Variants in DAB1 observed in about 807,000 individuals in gnomAD.
The protein encoded by DAB1 is disabled homolog 1.
DAB1 carries 15 observed loss-of-function variants against 64.6 expected under a neutral mutation model. That is an observed-to-expected ratio of 0.23 (90% CI 0.16 to 0.36). The LOEUF is 0.36. Among genes scored for constraint, DAB1 ranks in the 10% least tolerant of loss-of-function variants. The pLI, the probability that DAB1 is intolerant of heterozygous loss-of-function variation, is 1.00. For synonymous variants in DAB1, 235 were observed against 251.9 expected (o/e 0.93, Z 0.64); for missense variants, 596 against 706.7 (o/e 0.84, Z 1.78).
intron 3 of DAB1, among the ~76,000 whole-genome samples, chr1:58,381,459 T>C (rs905669959): frequency 6.6e-6 from 1 of 152,200 alleles, no homozygotes; most frequent in Non-Finnish European, 1.5e-5. Flanking sequence ...GTTAAAGGCC[T>C]GTTTGGCTGC....
At chr1:57,934,878 C>T (rs555220227) in intron 5 of DAB1, among the ~76,000 whole-genome samples, 13 of 152,288 alleles carry the variant, frequency 8.5e-5, no homozygotes, top group East Asian at 5.8e-4. Flanking sequence ...GACAGAGGTA[C>T]GACTTCTGCT....
intron 6 of DAB1, among the ~76,000 whole-genome samples, chr1:57,758,325 A>T (rs1294820356): frequency 6.6e-6 from 1 of 152,182 alleles, no homozygotes; most frequent in African/African-American, 2.4e-5. Context: ...ACAAAGTCAC[A>T]CTATTATTAA....
intron 1 of DAB1, among the ~76,000 whole-genome samples, chr1:57,350,643 G>A (rs1678513429): frequency 6.6e-6 from 1 of 151,960 alleles, no homozygotes. Context: ...CCTCTGACTG[G>A]CACCAAAAAG....
chr1:57,579,927 C>T (rs1193141019), intron 7 of DAB1, among the ~76,000 whole-genome samples: 1 of 152,156 alleles, frequency 6.6e-6, no homozygotes, highest in Non-Finnish European at 1.5e-5. Flanking sequence ...CCATGCAGGG[C>T]CACTCAAAGA....
intron 6 of DAB1, among the ~76,000 whole-genome samples, chr1:57,653,650 C>T (rs1018006065): frequency 6.6e-6 from 1 of 151,938 alleles, no homozygotes; most frequent in Non-Finnish European, 1.5e-5. Context: ...TCTCGCTCTG[C>T]CACCCAGGCT....
intron 6 of DAB1, among the ~76,000 whole-genome samples, chr1:57,705,879 T>TC (rs966732724): frequency 6.6e-6 from 1 of 151,534 alleles, no homozygotes; most frequent in Admixed American, 6.6e-5. Flanking sequence ...CTAGGGTTTT[T>TC]TTTTTTTTCT....
At chr1:57,930,482 T>C (rs1231486887) in intron 5 of DAB1, among the ~76,000 whole-genome samples, 1 of 152,236 alleles carries the variant, frequency 6.6e-6, no homozygotes, top group Non-Finnish European at 1.5e-5. Context: ...ATCTGACATC[T>C]TGACAGCATT....
chr1:57,695,963 A>T (rs566918382), intron 6 of DAB1, among the ~76,000 whole-genome samples: 1 of 152,306 alleles, frequency 6.6e-6, no homozygotes, highest in African/African-American at 2.4e-5. Context: ...CTGTAGTTCC[A>T]ATAATCCCAA....
intron 9 of DAB1, among the ~76,000 whole-genome samples, chr1:57,052,816 G>A (rs577678307): frequency 6.6e-6 from 1 of 152,304 alleles, no homozygotes; most frequent in Non-Finnish European, 1.5e-5. Context: ...GTGGCAGAGA[G>A]CTCACTACTC....
rs569292076 is a variant in DAB1 at position 57,444,221 on chromosome 1, G to A, written n.626-153055C>T. On this transcript the variant is annotated intron_variant and non_coding_transcript_variant, in intron 7 of 20. Coordinates refer to the DAB1 transcript ENST00000485760. ...GTTCCTCTTTAACATCACTTATTCA[G>A]AGAGGTCTGACCTGACCCCCATCCT... 2.0e-5 allele frequency among the ~76,000 whole-genome samples: 3 copies of A among 152,146 alleles called. No individual in the cohort carries two copies. In the South Asian group the frequency reaches 6.2e-4, roughly 32 times the overall value.
chr1:58,233,146 A>T (rs1307071206), intron 4 of DAB1, among the ~76,000 whole-genome samples: 1 of 152,204 alleles, frequency 6.6e-6, no homozygotes, highest in African/African-American at 2.4e-5. Flanking sequence ...GAAAGTAGGG[A>T]GCATTTTCTT....
chr1:57,124,554 T>C (rs572432622), intron 4 of DAB1, among the ~76,000 whole-genome samples: 1 of 152,370 alleles, frequency 6.6e-6, no homozygotes, highest in South Asian at 2.1e-4. Flanking sequence ...GCACATCTCT[T>C]AGACATCATG....
chr1:58,067,259 AG>A (rs1461040490), intron 5 of DAB1, among the ~76,000 whole-genome samples: 2 of 152,334 alleles, frequency 1.3e-5, no homozygotes, highest in Admixed American at 1.3e-4. Context: ...TGACGAGGAG[AG>A]GGACTCCCAC....
intron 3 of DAB1, among the ~76,000 whole-genome samples, chr1:58,425,892 A>C (rs979268963): frequency 9.2e-5 from 14 of 151,986 alleles, no homozygotes; most frequent in Non-Finnish European, 2.1e-4. Flanking sequence ...GGAGGCGAGA[A>C]ATAAGAGACA....
At chr1:58,383,504 C>T (rs1644407480) in intron 3 of DAB1, among the ~76,000 whole-genome samples, 1 of 152,172 alleles carries the variant, frequency 6.6e-6, no homozygotes, top group Admixed American at 6.5e-5. Context: ...CTGCCAATAC[C>T]ATTTTTGTCA....
At chr1:58,073,812 T>G (rs1232376314) in intron 5 of DAB1, among the ~76,000 whole-genome samples, 1 of 152,192 alleles carries the variant, frequency 6.6e-6, no homozygotes, top group African/African-American at 2.4e-5. Flanking sequence ...TGTGTGCAAT[T>G]AACTTACGAA....
chr1:57,773,344 TACACACACAC>T lies in DAB1; in HGVS notation n.551+110645_551+110654del, dbSNP rs60059518. On this transcript the variant is annotated intron_variant and non_coding_transcript_variant, in intron 6 of 20. Coordinates refer to the DAB1 transcript ENST00000485760. ...TTTATCTTCTTGTTATTGAGTTGTA[TACACACACAC>T]ACACACACACACACACACACAGACA... 1.2e-4 allele frequency among the ~76,000 whole-genome samples: 18 copies of T among 147,676 alleles called. No homozygotes were observed. The East Asian group carries it at 3.0e-3, about 25-fold the overall frequency.
downstream of DAB1, among the ~76,000 whole-genome samples, chr1:57,824,576 T>C (rs748980324): frequency 6.6e-6 from 1 of 152,158 alleles, no homozygotes; most frequent in Non-Finnish European, 1.5e-5. Flanking sequence ...GGATTTATAT[T>C]TGACCTCACC....
chr1:57,590,103 T>A (rs1645426095), intron 7 of DAB1, among the ~76,000 whole-genome samples: 1 of 152,036 alleles, frequency 6.6e-6, no homozygotes, highest in Non-Finnish European at 1.5e-5. Flanking sequence ...AGGCTAGAAG[T>A]CCAAGATCAA....
Sources: allele counts gnomAD v4.1 joint callset (sites outside exome capture counted in the v4.1 genomes callset), GRCh38; gene constraint gnomAD v4.1.1; transcripts MANE v1.5; gene names NCBI Gene and HGNC (gene_info 2026-07-23, HGNC 2026-07-21).